Variants in BLTP3A observed in about 807,000 individuals in gnomAD.
The protein encoded by BLTP3A is ICBP90 binding protein 1.
At chr6:34,797,549 G>A in the BLTP3A span, among the ~76,000 whole-genome samples, 7 of 152,182 alleles carry the variant, frequency 4.6e-5, no homozygotes, top group African/African-American at 9.6e-5. Flanking sequence ...GAAGCTTGTC[G>A]GACTAGTCAC....
chr6:34,834,354 G>T, the BLTP3A span: 1 of 1,613,914 alleles, frequency 6.2e-7, no homozygotes, highest in Non-Finnish European at 8.5e-7. Context: ...AACCCCAACT[G>T]GCAGCAGAGT....
chr6:34,865,073 C>T, the BLTP3A span, among the ~76,000 whole-genome samples: 1 of 152,194 alleles, frequency 6.6e-6, no homozygotes, highest in African/African-American at 2.4e-5. Flanking sequence ...TACACACACA[C>T]ATACAGTGTG....
At chr6:34,855,300 G>A in the BLTP3A span, among the ~76,000 whole-genome samples, 2 of 152,216 alleles carry the variant, frequency 1.3e-5, no homozygotes. Context: ...GCTATAGAGT[G>A]TGTCTGGGAA....
At chr6:34,859,599 A>G in the BLTP3A span, 447 of 1,609,064 alleles carry the variant, frequency 2.8e-4, no homozygotes, top group African/African-American at 5.2e-3. Flanking sequence ...TCCTTCACTC[A>G]TCCCATCTCC....
At chr6:34,861,763 T>C in the BLTP3A span, among the ~76,000 whole-genome samples, 1 of 152,348 alleles carries the variant, frequency 6.6e-6, no homozygotes, top group Admixed American at 6.5e-5. Flanking sequence ...TTTATTTTTA[T>C]TTTTGGAGAT....
chr6:34,794,899 C>T, the BLTP3A span, among the ~76,000 whole-genome samples: 1 of 151,886 alleles, frequency 6.6e-6, no homozygotes. Flanking sequence ...ATTCCCCTGC[C>T]TTAGCCTCCT....
the BLTP3A span, among the ~76,000 whole-genome samples, chr6:34,808,346 C>CAAAAA: frequency 0.026 from 689 of 26,100 alleles, 103 homozygotes; most frequent in African/African-American, 0.065. Context: ...AACTCCGTCT[C>CAAAAA]AAAAAAAAAA....
the BLTP3A span, chr6:34,857,248 A>T: frequency 6.6e-7 from 1 of 1,514,466 alleles, no homozygotes. Context: ...GGGATGGTAG[A>T]GGCTTTATGC....
At chr6:34,816,340 C>A in the BLTP3A span, among the ~76,000 whole-genome samples, 1 of 152,030 alleles carries the variant, frequency 6.6e-6, no homozygotes, top group Non-Finnish European at 1.5e-5. Flanking sequence ...CACAGTGGCT[C>A]ACATCTGTAA....
chr6:34,807,293 G>A, the BLTP3A span, among the ~76,000 whole-genome samples: 4 of 149,118 alleles, frequency 2.7e-5, no homozygotes, highest in Non-Finnish European at 3.0e-5. Context: ...CCTAACCACC[G>A]TGGGAGCTGA....
chr6:34,799,184 C>T, the BLTP3A span, among the ~76,000 whole-genome samples: 2 of 152,120 alleles, frequency 1.3e-5, no homozygotes, highest in African/African-American at 2.4e-5. Flanking sequence ...TCAAGTGATC[C>T]GCCCACCTCA....
the BLTP3A span, among the ~76,000 whole-genome samples, chr6:34,848,256 C>T: frequency 6.6e-6 from 1 of 150,544 alleles, no homozygotes; most frequent in African/African-American, 2.5e-5. Flanking sequence ...TGCACTCCAG[C>T]CCAGGCAACA....
At chr6:34,877,328 T>G in the BLTP3A span, 3 of 152,648 alleles carry the variant, frequency 2.0e-5, no homozygotes, top group Admixed American at 1.3e-4. Context: ...GCCTTATTAC[T>G]GCTAATCACT....
At chr6:34,800,977 C>T in the BLTP3A span, among the ~76,000 whole-genome samples, 2 of 152,150 alleles carry the variant, frequency 1.3e-5, no homozygotes, top group Non-Finnish European at 2.9e-5. Flanking sequence ...AATCCACCTA[C>T]CTGAGCCTCC....
At chr6:34,826,325 A>G in the BLTP3A span, among the ~76,000 whole-genome samples, 2 of 149,352 alleles carry the variant, frequency 1.3e-5, no homozygotes, top group East Asian at 2.0e-4. Context: ...CCTGGCCTAC[A>G]TGCTTTTACA....
chr6:34,807,717 A>G, the BLTP3A span, among the ~76,000 whole-genome samples: 2 of 152,218 alleles, frequency 1.3e-5, no homozygotes, highest in Non-Finnish European at 2.9e-5. Flanking sequence ...TATCATGTCT[A>G]TGAAAGAAAT....
At chr6:34,843,070 A>G in the BLTP3A span, among the ~76,000 whole-genome samples, 2 of 152,212 alleles carry the variant, frequency 1.3e-5, no homozygotes, top group East Asian at 3.9e-4. Flanking sequence ...TGAAGCCTCA[A>G]CTTCCCAGAC....
chr6:34,809,791 T>C, the BLTP3A span, among the ~76,000 whole-genome samples: 1 of 152,192 alleles, frequency 6.6e-6, no homozygotes, highest in African/African-American at 2.4e-5. Flanking sequence ...CCTGGCCTCA[T>C]GTGATCCACC....
At chr6:34,858,151 C>T in the BLTP3A span, 19 of 1,613,412 alleles carry the variant, frequency 1.2e-5, no homozygotes, top group South Asian at 4.4e-5. Context: ...AAAGAGAGAG[C>T]GGGCAGAGTT....
Sources: gnomAD v4.1 joint callset for allele counts (sites outside exome capture counted in the v4.1 genomes callset) on GRCh38, gnomAD v4.1.1 for gene constraint, MANE v1.5 for transcripts, NCBI Gene and HGNC (gene_info 2026-07-23, HGNC 2026-07-21) for gene names.